The following PDE8B variants were observed in gnomAD, a reference collection of about 807,000 sequenced individuals.
PDE8B encodes high affinity cAMP-specific and IBMX-insensitive 3',5'-cyclic phosphodiesterase 8B.
Under a neutral mutation model 101.3 loss-of-function variants are expected in PDE8B, and 26 were observed. The observed-to-expected ratio is 0.26, with a 90% CI of 0.19 to 0.36. PDE8B has a LOEUF of 0.36. Ranked by LOEUF, PDE8B falls within the 10% of genes least tolerant of loss-of-function variation. The probability of loss-of-function intolerance (pLI) is 1.00; values close to 1 mark genes in which losing one functional copy is unlikely to be tolerated. For missense variants in PDE8B, 810 were observed against 1,163.1 expected, an observed-to-expected ratio of 0.70 and a Z score of 4.42; for synonymous variants, 424 against 429.3, an observed-to-expected ratio of 0.99 and a Z score of 0.15.
chr5:77,206,190 C>T (rs1395309740), upstream of PDE8B, among the ~76,000 whole-genome samples: 1 of 152,128 alleles, frequency 6.6e-6, no homozygotes, highest in African/African-American at 2.4e-5. Context: ...AATATTTGAG[C>T]ACCTACCATG....
chr5:77,295,425 A>G (rs1768304184), intron 1 of PDE8B, among the ~76,000 whole-genome samples: 2 of 152,282 alleles, frequency 1.3e-5, no homozygotes, highest in South Asian at 4.1e-4. Context: ...TCAGAATTCC[A>G]TAAGTGTTCT....
At chr5:77,136,405 C>G in the PDE8B span, among the ~76,000 whole-genome samples, 3 of 152,138 alleles carry the variant, frequency 2.0e-5, no homozygotes, top group Non-Finnish European at 4.4e-5. Flanking sequence ...AAGCACTAGC[C>G]AGCTAAATGA....
the PDE8B span, among the ~76,000 whole-genome samples, chr5:77,110,879 G>C: frequency 3.4e-3 from 524 of 152,288 alleles, 3 homozygotes; most frequent in African/African-American, 0.012. Context: ...TATTCAGCCA[G>C]TTTCCTTTAG....
intron 1 of PDE8B, among the ~76,000 whole-genome samples, chr5:77,287,407 T>C (rs1766249157): frequency 6.6e-6 from 1 of 152,126 alleles, no homozygotes; most frequent in Admixed American, 6.5e-5. Flanking sequence ...TTTTACCAGT[T>C]CTTCTTTAAT....
intron 10 of PDE8B, among the ~76,000 whole-genome samples, chr5:77,373,621 C>T (rs1056258928): frequency 1.3e-5 from 2 of 152,080 alleles, no homozygotes; most frequent in Non-Finnish European, 2.9e-5. Context: ...ACATCTTTCA[C>T]TAAGCATACT....
the PDE8B span, among the ~76,000 whole-genome samples, chr5:77,163,919 T>A: frequency 1.3e-5 from 2 of 152,256 alleles, no homozygotes; most frequent in Non-Finnish European, 2.9e-5. Context: ...TGTGACCCCA[T>A]GGCCTTGTTG....
chr5:77,420,515 C>T (rs1796419282), intron 19 of PDE8B, among the ~76,000 whole-genome samples: 1 of 152,078 alleles, frequency 6.6e-6, no homozygotes, highest in East Asian at 1.9e-4. Context: ...GGTAGAAAAG[C>T]TTTCCGCTCA....
chr5:77,411,778 C>G (rs182301025), intron 15 of PDE8B, 57 bp downstream of exon 15: 12 of 1,311,890 alleles, frequency 9.1e-6, no homozygotes, highest in Non-Finnish European at 1.3e-5. Flanking sequence ...GTGCTGTCCC[C>G]GCTGTTGCGA....
At chr5:77,179,515 C>T in the PDE8B span, among the ~76,000 whole-genome samples, 1 of 152,184 alleles carries the variant, frequency 6.6e-6, no homozygotes, top group African/African-American at 2.4e-5. Context: ...AAGGCTGAGG[C>T]ATTTAATTAG....
chr5:77,100,943 A>G, the PDE8B span, among the ~76,000 whole-genome samples: 1 of 151,228 alleles, frequency 6.6e-6, no homozygotes, highest in Non-Finnish European at 1.5e-5. Flanking sequence ...CCCAACTCCC[A>G]ATCATCTAAA....
chr5:77,379,385 C>G (rs1028180673), intron 10 of PDE8B, among the ~76,000 whole-genome samples: 1 of 152,164 alleles, frequency 6.6e-6, no homozygotes. Context: ...TCATCTATAT[C>G]AAACCAATGC....
At chr5:77,185,760 A>G in the PDE8B span, among the ~76,000 whole-genome samples, 1 of 151,510 alleles carries the variant, frequency 6.6e-6, no homozygotes, top group African/African-American at 2.4e-5. Flanking sequence ...CAAAACTGTT[A>G]TTTTTCTGAA....
chr5:77,283,229 G>A (rs908720201), intron 1 of PDE8B, among the ~76,000 whole-genome samples: 2 of 151,750 alleles, frequency 1.3e-5, no homozygotes, highest in Non-Finnish European at 2.9e-5. Flanking sequence ...TCATATATTC[G>A]AAACCCTGCA....
chr5:77,123,865 C>G, the PDE8B span, among the ~76,000 whole-genome samples: 3 of 152,194 alleles, frequency 2.0e-5, no homozygotes, highest in Non-Finnish European at 1.5e-5. Flanking sequence ...GACAAATAAC[C>G]AATAACCAGA....
At chr5:77,250,176 A>G (rs72766918) in intron 1 of PDE8B, among the ~76,000 whole-genome samples, 4,460 of 152,288 alleles carry the variant, frequency 0.029, 80 homozygotes, top group African/African-American at 0.035. Flanking sequence ...GGCTCTTGGG[A>G]TGGGTATGTT....
At chr5:77,117,224 C>G in the PDE8B span, among the ~76,000 whole-genome samples, 1 of 152,140 alleles carries the variant, frequency 6.6e-6, no homozygotes, top group Non-Finnish European at 1.5e-5. Context: ...AGGACAAGCG[C>G]TCTGTCTCTG....
chr5:77,230,269 G>A (rs1753299964), intron 1 of PDE8B, among the ~76,000 whole-genome samples: 1 of 152,134 alleles, frequency 6.6e-6, no homozygotes, highest in Admixed American at 6.5e-5. Context: ...GCTAGATCCA[G>A]GGGCCTTCAG....
chr5:77,106,092 C>G, the PDE8B span: 2 of 152,126 alleles, frequency 1.3e-5, no homozygotes, highest in African/African-American at 4.8e-5. Flanking sequence ...TATATGTTTG[C>G]AAATATTTTT....
At chr5:77,140,349 T>C in the PDE8B span, 1 of 152,226 alleles carries the variant, frequency 6.6e-6, no homozygotes, top group Non-Finnish European at 1.5e-5. Context: ...TCAATTCCAG[T>C]TGCCTTCCTT....
Sources: allele counts gnomAD v4.1 joint callset (sites outside exome capture counted in the v4.1 genomes callset), GRCh38; gene constraint gnomAD v4.1.1; transcripts MANE v1.5; gene names NCBI Gene and HGNC (gene_info 2026-07-23, HGNC 2026-07-21).